Variants in SEM1 observed in about 807,000 individuals in gnomAD.
SEM1 encodes the protein 26S proteasome complex subunit SEM1.
A neutral mutation model predicts 12.7 loss-of-function variants in SEM1; 3 were observed. The observed-to-expected ratio is 0.24, with a 90% CI of 0.11 to 0.61. The LOEUF (loss-of-function observed/expected upper bound fraction) is 0.61. Ranked by LOEUF, SEM1 falls within the 20% of genes least tolerant of loss-of-function variation. The pLI is 0.88. For synonymous variants in SEM1, 30 were observed against 27.8 expected (o/e 1.08, Z -0.25); for missense variants, 59 against 81.3 (o/e 0.73, Z 1.06).
intron 2 of SEM1, among the ~76,000 whole-genome samples, chr7:96,682,379 C>CAA (rs1789640903): frequency 6.6e-6 from 1 of 152,018 alleles, no homozygotes; most frequent in South Asian, 2.1e-4. Flanking sequence ...CCCTTTATTT[C>CAA]TTTCTCTTGC....
intron 2 of SEM1, chr7:96,647,387 C>T (rs1026142620): frequency 2.0e-5 from 3 of 152,166 alleles, no homozygotes; most frequent in Admixed American, 2.0e-4. Flanking sequence ...TATTATGAGA[C>T]AAGTACTTTT....
rs559960443 is a variant in SEM1, at chr7:96,700,641, G to A, written c.77-5750C>T. On this transcript the variant is annotated intron_variant, in intron 1 of 2. Transcript: ENST00000248566. ...AACTTATTTTCCTCTCAATGTTTTC[G>A]CAGTTCATCACATCTTTCAATGAGT... Among the ~76,000 whole-genome samples the A allele has an allele frequency of 4.2e-4, 64 of 152,216 alleles. No homozygotes were observed. The South Asian group carries it at 0.011, about 27-fold the overall frequency.
chr7:96,550,551 T>C (rs540926465), intron 2 of SEM1, among the ~76,000 whole-genome samples: 3 of 152,330 alleles, frequency 2.0e-5, no homozygotes, highest in Non-Finnish European at 4.4e-5. Context: ...GATATTGCAA[T>C]GTACTGGTAT....
intron 2 of SEM1, among the ~76,000 whole-genome samples, chr7:96,585,843 A>C (rs1806613580): frequency 6.6e-6 from 1 of 152,042 alleles, no homozygotes; most frequent in African/African-American, 2.4e-5. Context: ...CGGTGCGCGC[A>C]CCCACTGACC....
chr7:96,553,122 A>T (rs1179578007), intron 2 of SEM1, among the ~76,000 whole-genome samples: 5 of 151,990 alleles, frequency 3.3e-5, no homozygotes, highest in Non-Finnish European at 5.9e-5. Flanking sequence ...AGGTTGCGAA[A>T]ATTTTCTCCT....
chr7:96,500,975 A>G (rs760823543), upstream of SEM1, among the ~76,000 whole-genome samples: 12 of 151,910 alleles, frequency 7.9e-5, no homozygotes, highest in Admixed American at 5.2e-4. Flanking sequence ...GATTTTGTGA[A>G]AAAAGTCTGC....
rs565147845 is a variant in SEM1 at position 96,525,371 on chromosome 7, G to A, written c.171-18673C>T. Among the ~76,000 whole-genome samples, 10 of 151,828 alleles carry A rather than the reference G, an allele frequency of 6.6e-5. No individual in the cohort carries two copies. The South Asian group carries it at 1.5e-3, about 22-fold the overall frequency. The stretch of plus-strand genomic sequence containing the variant: ...CTGTGTTTTAACAAACCCTCCAAGT[G>A]ATCCTGAGGCATTTGCGAGTGCACG... On this transcript the variant is annotated intron_variant and NMD_transcript_variant, in intron 2 of 3. Transcript: ENST00000466986.
At chr7:96,529,294 A>G (rs1164718776) in intron 2 of SEM1, among the ~76,000 whole-genome samples, 1 of 152,150 alleles carries the variant, frequency 6.6e-6, no homozygotes, top group Non-Finnish European at 1.5e-5. Flanking sequence ...TATAAAGTAA[A>G]CAAAACGCTA....
chr7:96,585,755 T>A (rs896521636), intron 2 of SEM1, among the ~76,000 whole-genome samples: 2 of 152,234 alleles, frequency 1.3e-5, no homozygotes, highest in African/African-American at 2.4e-5. Context: ...CACCCCTTTC[T>A]TTGACTAGGA....
intron 2 of SEM1, among the ~76,000 whole-genome samples, chr7:96,532,226 G>A (rs747929145): frequency 6.6e-6 from 1 of 151,970 alleles, no homozygotes. Flanking sequence ...TATTTTCTGG[G>A]ATGAGCCCAA....
chr7:96,609,556 A>G (rs1286941925), intron 2 of SEM1, among the ~76,000 whole-genome samples: 1 of 152,210 alleles, frequency 6.6e-6, no homozygotes, highest in Non-Finnish European at 1.5e-5. Flanking sequence ...ACAGCTAGCA[A>G]ATCTTAGGAT....
At chr7:96,530,144 G>C (rs896640892) in intron 2 of SEM1, among the ~76,000 whole-genome samples, 1 of 152,118 alleles carries the variant, frequency 6.6e-6, no homozygotes, top group Non-Finnish European at 1.5e-5. Context: ...AGTGGATCTA[G>C]CCCCTGGTGC....
At chr7:96,488,959 C>A (rs2117212248) in intron 1 of SEM1, among the ~76,000 whole-genome samples, 1 of 152,184 alleles carries the variant, frequency 6.6e-6, no homozygotes, top group East Asian at 1.9e-4. Flanking sequence ...CCTTCTCTGC[C>A]TGCTGGGATG....
chr7:96,663,880 A>G (rs1468758895), intron 2 of SEM1, among the ~76,000 whole-genome samples: 2 of 152,232 alleles, frequency 1.3e-5, no homozygotes, highest in East Asian at 1.9e-4. Flanking sequence ...AACAAAATAT[A>G]TAGTCCAAAA....
At chr7:96,483,485 C>T in exon 4 of SEM1, 1 of 243,172 alleles carries the variant, frequency 4.1e-6, no homozygotes, top group Non-Finnish European at 8.2e-6. Context: ...AACCATCAAA[C>T]CTCAGATGCT....
chr7:96,605,668 G>C (rs999869592), intron 2 of SEM1, among the ~76,000 whole-genome samples: 5 of 152,098 alleles, frequency 3.3e-5, no homozygotes, highest in African/African-American at 1.2e-4. Context: ...TGGGATAGGG[G>C]ATTTTTTTTT....
At chr7:96,659,708 G>A (rs1312799350) in intron 2 of SEM1, among the ~76,000 whole-genome samples, 1 of 151,800 alleles carries the variant, frequency 6.6e-6, no homozygotes, top group Non-Finnish European at 1.5e-5. Context: ...AAAAACTATT[G>A]GTATTGCTTA....
chr7:96,673,734 A>G (rs925949240), exon 3 of SEM1: 4 of 764,896 alleles, frequency 5.2e-6, no homozygotes, highest in African/African-American at 5.1e-5. Flanking sequence ...AGGTGGGGCC[A>G]TGAACACATA....
chr7:96,602,355 A>G (rs985815739), intron 2 of SEM1, among the ~76,000 whole-genome samples: 1 of 152,178 alleles, frequency 6.6e-6, no homozygotes, highest in Admixed American at 6.5e-5. Context: ...ATGACCCCAC[A>G]TTTCTGCATG....
Sources: gnomAD v4.1 joint callset for allele counts (sites outside exome capture counted in the v4.1 genomes callset) on GRCh38, gnomAD v4.1.1 for gene constraint, MANE v1.5 for transcripts, NCBI Gene and HGNC (gene_info 2026-07-23, HGNC 2026-07-21) for gene names.